Variants in POLR3A observed in about 807,000 individuals in gnomAD.
POLR3A encodes the protein DNA-directed RNA polymerase III subunit RPC1.
A neutral mutation model predicts 152.8 loss-of-function variants in POLR3A; 112 were observed. That is an observed-to-expected ratio of 0.73 (90% CI 0.63 to 0.86). The LOEUF (loss-of-function observed/expected upper bound fraction) is 0.86. Ranked by LOEUF, POLR3A falls within the 40% of genes least tolerant of loss-of-function variation. The pLI is 0.00. For missense variants in POLR3A, 1,385 were observed against 1,743.1 expected, an observed-to-expected ratio of 0.79 and a Z score of 3.66; for synonymous variants, 615 against 652.1, an observed-to-expected ratio of 0.94 and a Z score of 0.87.
In POLR3A at chr10:77,975,716, G is replaced by T. The variant is rs894582463; in HGVS notation, c.*1762C>A. ...TCACCCGCAGAAGACAACAGGTGCC[G>T]GAGTTCACTCCTATGATTCAATTCT... On this transcript the variant is annotated 3_prime_UTR_variant, in exon 31 of 31. Transcript: ENST00000372371. 1 of 152,248 alleles carries T rather than the reference G, an allele frequency of 6.6e-6. No individual in the cohort carries two copies. Among genetic ancestry groups the T allele is most frequent in the Non-Finnish European group, 1.5e-5 (1 of 68,092 alleles). 9.4% of individuals were successfully genotyped at this position (152,248 alleles called of 1,614,324 possible). A position where few individuals can be genotyped will look rare whatever the true frequency, so the allele number is the denominator to read the frequency against.
chr10:78,019,366 T>C, intron 8 of POLR3A, 101 bp from the exon 9 acceptor site: 3 of 898,822 alleles, frequency 3.3e-6, no homozygotes, highest in South Asian at 2.7e-5. Context: ...GTTCAGATTC[T>C]AGGAGAAAGA....
chr10:78,025,497 T>C, intron 3 of POLR3A, 125 bp downstream of exon 3: 4 of 879,670 alleles, frequency 4.5e-6, no homozygotes, highest in South Asian at 2.8e-5. Flanking sequence ...GAAAATATTA[T>C]GTACTTAGTA....
Position 77,975,299 on chromosome 10 carries a change from A to T in POLR3A, c.*2179T>A, listed in dbSNP as rs1407539996. 1 of 152,220 alleles carries T rather than the reference A, an allele frequency of 6.6e-6. No individual in the cohort carries two copies. Among genetic ancestry groups the T allele is most frequent in the Non-Finnish European group, 1.5e-5 (1 of 68,050 alleles). 9.4% of individuals were successfully genotyped at this position (152,220 alleles called of 1,614,324 possible). A position where few individuals can be genotyped will look rare whatever the true frequency, so the allele number is the denominator to read the frequency against. On this transcript the variant is annotated 3_prime_UTR_variant, in exon 31 of 31. Transcript: ENST00000372371. ...GCCCAAGGCCTGGGCAGGGCAGATG[A>T]TCAAAGTAGGGAGAATTTTAACACC...
chr10:78,025,994 G>A, intron 2 of POLR3A, 100 bp downstream of exon 2: 2 of 1,443,190 alleles, frequency 1.4e-6, no homozygotes, highest in Non-Finnish European at 1.9e-6. Context: ...GGGGGGAATT[G>A]AGGAGATGGA....
chr10:78,026,511 C>T (rs745327769), intron 1 of POLR3A, among the ~76,000 whole-genome samples: 4 of 152,212 alleles, frequency 2.6e-5, no homozygotes, highest in Non-Finnish European at 4.4e-5. Flanking sequence ...CTCATTTTAC[C>T]TCTGCAGCAC....
chr10:78,021,686 A>C lies in POLR3A; in HGVS notation c.1049-4T>G. ...GAGAGATTTCCTCTAAATCGACCTA[A>C]ATAGCCAAAAACATGTCATAGGTCC... is the stretch of plus-strand genomic sequence containing the variant. On this transcript the variant is annotated splice_region_variant and splice_polypyrimidine_tract_variant and intron_variant, in intron 7 of 30. Transcript: ENST00000372371. 6.2e-7 allele frequency: 1 copy of C among 1,614,144 alleles called. No homozygotes were observed. The highest frequency in any genetic ancestry group is 1.1e-5 in the South Asian group (1 of 91,080).
intron 11 of POLR3A, 38 bp from the exon 12 acceptor site, chr10:78,010,578 G>A (rs563249132): frequency 1.7e-5 from 25 of 1,449,770 alleles, no homozygotes; most frequent in South Asian, 6.8e-5. Context: ...AGCTGTTCTC[G>A]GATGCATGAT....
Position 77,991,241 on chromosome 10 carries a change from C to T in POLR3A, c.2788-74G>A, listed in dbSNP as rs1166779059. On this transcript the variant is annotated intron_variant, in intron 20 of 30. Transcript: ENST00000372371. The stretch of plus-strand genomic sequence containing the variant: ...AGGCGGTAGTAGATGAGAGAACTTA[C>T]AAAGGATAAAATGACCTTACCCAAG... 4.7e-6 allele frequency: 4 copies of T among 858,306 alleles called. No homozygotes were observed. In the Admixed American group the frequency reaches 7.3e-5, roughly 16 times the overall value. 53.2% of individuals were successfully genotyped at this position (858,306 alleles called of 1,614,324 possible).
Position 77,983,945 on chromosome 10 carries a change from T to G in POLR3A, c.3404A>C (p.Glu1135Ala), listed in dbSNP as rs754652486. 6.2e-7 allele frequency: 1 copy of G among 1,611,392 alleles called. No individual in the cohort carries two copies. ...TTCCAGTCTCAGAAGCCTAATCCGT[T>G]CCAGGGAGAGCTTGACGAGAATAAA... The part of the protein sequence containing the change: ...DCFILVKLSL[E>A]RIRLLRLEVN... The change falls in exon 26 of 31, where the codon GAA (glutamate) becomes GCA (alanine). Residue 1135 changes from glutamate (E) to alanine (A), a missense_variant. Transcript: ENST00000372371.
intron 19 of POLR3A, among the ~76,000 whole-genome samples, chr10:77,999,087 T>G (rs1847330102): frequency 6.6e-6 from 1 of 151,506 alleles, no homozygotes. Context: ...CACTCATAGG[T>G]GGAAATTGAA....
At chr10:78,023,710 C>T (rs111852235) in intron 5 of POLR3A, among the ~76,000 whole-genome samples, 12,773 of 149,532 alleles carry the variant, frequency 0.085, 1,703 homozygotes, top group African/African-American at 0.29. Context: ...CCTAGGAGGT[C>T]GGGGCTGCAA....
In POLR3A at chr10:78,029,501, CG is replaced by C. The variant is rs1847672014; in HGVS notation, c.-95del. ...CTCCTGGGGCTGCTTCTGGACTCGC[CG>C]CTAACACATCTGCGGCATCCTCTCG... On this transcript the variant is annotated 5_prime_UTR_variant, in exon 1 of 31. Transcript: ENST00000372371. The C allele has an allele frequency of 3.9e-6, 5 of 1,280,466 alleles. No homozygotes were observed. Among genetic ancestry groups the C allele is most frequent in the Non-Finnish European group, 5.6e-6 (5 of 886,244 alleles). The allele number at this position is 1,280,466 out of a possible 1,614,324, so 79.3% of individuals were successfully genotyped here.
chr10:78,005,479 G>T (rs1408887035), intron 15 of POLR3A, among the ~76,000 whole-genome samples: 1 of 152,202 alleles, frequency 6.6e-6, no homozygotes, highest in Non-Finnish European at 1.5e-5. Flanking sequence ...CAACTTTGAT[G>T]GAACTAGGTG....
intron 5 of POLR3A, among the ~76,000 whole-genome samples, chr10:78,023,200 T>C (rs895620169): frequency 2.0e-5 from 3 of 147,606 alleles, no homozygotes; most frequent in Non-Finnish European, 4.5e-5. Flanking sequence ...GTGGCTCATG[T>C]CTATAATCCC....
At chr10:77,996,339 C>CA (rs1847300350) in intron 19 of POLR3A, among the ~76,000 whole-genome samples, 1 of 152,008 alleles carries the variant, frequency 6.6e-6, no homozygotes, top group South Asian at 2.1e-4. Context: ...ACTAGAGACA[C>CA]AAAAAACCCT....
chr10:77,978,299 G>A (rs1847108045), intron 30 of POLR3A, among the ~76,000 whole-genome samples: 1 of 152,310 alleles, frequency 6.6e-6, no homozygotes, highest in African/African-American at 2.4e-5. Context: ...CTGTGTTGTA[G>A]ACTTTGTGCT....
intron 19 of POLR3A, among the ~76,000 whole-genome samples, chr10:77,996,626 T>A (rs1276809256): frequency 6.6e-6 from 1 of 151,290 alleles, no homozygotes; most frequent in Non-Finnish European, 1.5e-5. Flanking sequence ...AAGTTGAATC[T>A]CTGAATAGAC....
chr10:78,001,812 T>G (rs928011935), intron 17 of POLR3A, among the ~76,000 whole-genome samples: 1 of 152,114 alleles, frequency 6.6e-6, no homozygotes, highest in Admixed American at 6.5e-5. Context: ...ATTTTTTTTT[T>G]TTTGTATTTT....
rs2131947911 is a variant in POLR3A at position 78,007,867 on chromosome 10, C to T, written c.1910-1G>A. On this transcript the variant is annotated splice_acceptor_variant, in intron 14 of 30. Coordinates refer to ENST00000372371, the MANE Select transcript of POLR3A (RefSeq NM_007055.4). LOFTEE classifies it high-confidence loss of function. ...AACTCACTGTTCTGGATTGTAACAT[C>T]TGGAAGAATGATTATATATTTAGAC... 4 of 1,611,210 alleles carry T rather than the reference C, an allele frequency of 2.5e-6. No homozygotes were observed. Among genetic ancestry groups the T allele is most frequent in the Non-Finnish European group, 2.5e-6 (3 of 1,177,426 alleles).
Sources: allele counts gnomAD v4.1 joint callset (sites outside exome capture counted in the v4.1 genomes callset), GRCh38; gene constraint gnomAD v4.1.1; transcripts MANE v1.5; gene names NCBI Gene and HGNC (gene_info 2026-07-23, HGNC 2026-07-21).